The following LCA5 variants were observed in gnomAD, a reference collection of about 807,000 sequenced individuals.
The protein encoded by LCA5 is lebercilin LCA5, also known as lebercilin.
Under a neutral mutation model 53.0 loss-of-function variants are expected in LCA5, and 37 were observed. The ratio of observed to expected loss-of-function variants is 0.70; its 90% CI spans 0.54 to 0.92. The LOEUF is 0.92. Among genes scored for constraint, LCA5 ranks in the 40% least tolerant of loss-of-function variants. LCA5 has a pLI of 0.00. For synonymous variants in LCA5, 303 were observed against 282.9 expected (o/e 1.07, Z -0.71); for missense variants, 806 against 790.5 (o/e 1.02, Z -0.23).
rs150095877 is a variant in LCA5, at chr6:79,487,825, C to A, written c.1273G>T (p.Ala425Ser). The A allele has an allele frequency of 1.3e-5, 21 of 1,608,550 alleles. No homozygotes were observed. The highest frequency in any genetic ancestry group is 8.9e-5 in the East Asian group (4 of 44,824). The change falls in exon 8 of 8, where the codon GCA becomes TCA. Residue 425 changes from alanine (A) to serine (S), a missense_variant. By Grantham distance (99) the Ala-to-Ser change is moderately conservative. Coordinates refer to ENST00000369846, the MANE Select transcript of LCA5 (RefSeq NM_001122769.3). ...TTTTCTTCTCTTTCCAGTAAAGATGCCTTTTCTTTTTGCTTTTTATCAAGT... is the reference window on the plus strand; with the variant it reads ...TTTTCTTCTCTTTCCAGTAAAGATGACTTTTCTTTTTGCTTTTTATCAAGT... ...EELDKKQKEK[A>S]SLLEREEKPE... is the part of the protein sequence containing the mutation.
chr6:79,515,404 A>G (rs1167460400), intron 2 of LCA5, among the ~76,000 whole-genome samples: 1 of 152,136 alleles, frequency 6.6e-6, no homozygotes, highest in African/African-American at 2.4e-5. Context: ...GAAAACAAAA[A>G]TCACATCCTA....
chr6:79,498,171 C>T (rs941640783), intron 3 of LCA5, among the ~76,000 whole-genome samples: 1 of 107,720 alleles, frequency 9.3e-6, no homozygotes, highest in East Asian at 6.2e-4. Context: ...CCTCAAATAG[C>T]TAAAAAAAAA....
chr6:79,492,580 T>A lies in LCA5; in HGVS notation c.926A>T (p.Lys309Ile). The stretch of plus-strand genomic sequence containing the variant: ...TTTTCTTAATGCAAGTTCTTTCTCT[T>A]TATTTGGAGAGGACTTTGGCAGACG... ...SNRLPKSSPNKEKELALRKNA... is the reference protein window; with the variant it reads ...SNRLPKSSPNIEKELALRKNA... Residue 309 changes from lysine (K) to isoleucine (I), a missense_variant, in exon 5 of 8, where the codon AAA becomes ATA. By Grantham distance (102) the Lys-to-Ile change is moderately radical. Transcript: ENST00000369846. 1.3e-6 allele frequency: 2 copies of A among 1,560,604 alleles called. No homozygotes were observed. The highest frequency in any genetic ancestry group is 2.3e-5 in the South Asian group (2 of 87,316).
intron 3 of LCA5, among the ~76,000 whole-genome samples, chr6:79,509,418 C>T (rs1366621000): frequency 2.0e-5 from 3 of 147,132 alleles, no homozygotes; most frequent in African/African-American, 5.1e-5. Context: ...CATGTCACTG[C>T]ACTCCAGCCT....
At position 79,528,073 on chromosome 6, in the gene LCA5, G is replaced by A. The variant is rs547360851; in HGVS notation, c.-191-8988C>T. 1.9e-3 allele frequency among the ~76,000 whole-genome samples: 293 copies of A among 152,238 alleles called. 2 individuals carry two copies. The highest frequency in any genetic ancestry group is 6.7e-3 in the African/African-American group (277 of 41,546). ...AGAGTAACCACTACAAGTGTGCTGC[G>A]AAACAACCTCAGGCAAAGGTGGTTC... On this transcript the variant is annotated intron_variant, in intron 1 of 7. Coordinates refer to ENST00000369846, the MANE Select transcript of LCA5 (RefSeq NM_001122769.3).
At chr6:79,493,866 G>T in intron 3 of LCA5, 116 bp from the exon 4 acceptor site, 1 of 732,184 alleles carries the variant, frequency 1.4e-6, no homozygotes, top group Non-Finnish European at 2.2e-6. Context: ...CTACAAATCA[G>T]ACTGGGCATA....
chr6:79,525,268 T>C (rs979676842), intron 1 of LCA5: 1 of 152,102 alleles, frequency 6.6e-6, no homozygotes, highest in East Asian at 1.9e-4. Context: ...TGATCATTTA[T>C]ACTTAAAAAA....
At chr6:79,532,481 C>CT (rs1428410878) in intron 1 of LCA5, among the ~76,000 whole-genome samples, 4 of 152,138 alleles carry the variant, frequency 2.6e-5, no homozygotes, top group Non-Finnish European at 2.9e-5. Context: ...AGGTCTAGTC[C>CT]TTCTGTCTAC....
chr6:79,530,512 TAAGA>T (rs942756167), intron 1 of LCA5, among the ~76,000 whole-genome samples: 18 of 152,278 alleles, frequency 1.2e-4, no homozygotes, highest in Admixed American at 3.3e-4. Flanking sequence ...CTTAAAAGTT[TAAGA>T]AAGAAAACAA....
In LCA5 at chr6:79,532,053, T is replaced by G. The variant is rs544823889; in HGVS notation, c.-192+5112A>C. 4.7e-4 allele frequency among the ~76,000 whole-genome samples: 71 copies of G among 152,300 alleles called. 1 individual carries two copies. Among genetic ancestry groups the G allele is most frequent in the South Asian group, 2.7e-3 (13 of 4,824 alleles). On this transcript the variant is annotated intron_variant, in intron 1 of 7. Coordinates refer to ENST00000369846, the MANE Select transcript of LCA5 (RefSeq NM_001122769.3). Reference sequence around the variant, plus strand: ...ATTACCGTCCCTTTTCCACCTCAACTCTTTCCTATGTTTCTGATCTCATTA... The same window carrying G: ...ATTACCGTCCCTTTTCCACCTCAACGCTTTCCTATGTTTCTGATCTCATTA...
intron 1 of LCA5, among the ~76,000 whole-genome samples, chr6:79,529,003 C>T (rs924729801): frequency 6.6e-6 from 1 of 152,128 alleles, no homozygotes; most frequent in Non-Finnish European, 1.5e-5. Flanking sequence ...TAGGGGTTGG[C>T]TAGAAAGTTG....
intron 7 of LCA5, chr6:79,488,692 A>G (rs1369001207): frequency 9.4e-6 from 3 of 317,894 alleles, no homozygotes; most frequent in African/African-American, 6.5e-5. Flanking sequence ...CTCACTCACA[A>G]ATAGTTCTTT....
intron 7 of LCA5, 161 bp downstream of exon 7, chr6:79,488,923 T>C (rs979849450): frequency 2.7e-6 from 2 of 745,626 alleles, no homozygotes; most frequent in East Asian, 2.5e-5. Context: ...ATTATTCAAA[T>C]GTGTATGGCT....
intron 3 of LCA5, among the ~76,000 whole-genome samples, chr6:79,497,939 A>G (rs1033089341): frequency 4.1e-5 from 6 of 147,346 alleles, no homozygotes; most frequent in African/African-American, 1.3e-4. Flanking sequence ...AGTGGGCGAC[A>G]GAGTGAGACT....
rs1214723961 is a variant in LCA5 at position 79,487,187 on chromosome 6, T to A, written c.1911A>T (p.Leu637=). ...VASSKGDIDP[L]NFLPGNKGSR... ...TGCCTTTATTCCCAGGGAGAAAATT[T>A]AGAGGGTCAATGTCTCCTTTACTGG... is the stretch of plus-strand genomic sequence containing the variant. The change falls in exon 8 of 8, where the codon CTA becomes CTT. Residue 637 remains leucine (L), a synonymous_variant. Transcript: ENST00000369846. The A allele has an allele frequency of 1.2e-6, 2 of 1,614,084 alleles. No individual in the cohort carries two copies. The highest frequency in any genetic ancestry group is 2.2e-5 in the South Asian group (2 of 91,084).
chr6:79,511,303 G>C (rs1468915570), intron 3 of LCA5, among the ~76,000 whole-genome samples: 3 of 152,136 alleles, frequency 2.0e-5, no homozygotes, highest in Non-Finnish European at 4.4e-5. Context: ...AATACTCAGG[G>C]AGAAAGGAAC....
upstream of LCA5, among the ~76,000 whole-genome samples, chr6:79,538,018 GTTTTTTTTTTTTTTTTTTTTTTTTT>G (rs869197362): frequency 2.3e-5 from 1 of 44,146 alleles, no homozygotes; most frequent in African/African-American, 7.8e-5. Flanking sequence ...TTGCACACAA[GTTTTTTTTTTTTTTTTTTTTTTTTT>G]TTTTTTTTTT....
At chr6:79,520,361 C>A (rs1246411229) in intron 1 of LCA5, among the ~76,000 whole-genome samples, 1 of 151,952 alleles carries the variant, frequency 6.6e-6, no homozygotes, top group Non-Finnish European at 1.5e-5. Context: ...TACACACATT[C>A]ATTAAAAAAA....
At chr6:79,521,724 A>C (rs936260901) in intron 1 of LCA5, among the ~76,000 whole-genome samples, 1 of 152,222 alleles carries the variant, frequency 6.6e-6, no homozygotes, top group Admixed American at 6.5e-5. Flanking sequence ...GAACATTCCT[A>C]GAACCCAGAT....
Sources: allele counts gnomAD v4.1 joint callset (sites outside exome capture counted in the v4.1 genomes callset), GRCh38; gene constraint gnomAD v4.1.1; transcripts MANE v1.5; gene names NCBI Gene and HGNC (gene_info 2026-07-23, HGNC 2026-07-21).